The following ELP4 variants were observed in gnomAD, a reference collection of about 807,000 sequenced individuals.
The protein encoded by ELP4 is elongator acetyltransferase complex subunit 4.
Under a neutral mutation model 48.9 loss-of-function variants are expected in ELP4, and 51 were observed. The observed-to-expected ratio is 1.04, with a 90% CI of 0.83 to 1.32. ELP4 has a LOEUF of 1.32. Ranked by LOEUF, ELP4 falls within the 40% of genes most tolerant of loss-of-function variation. The probability of loss-of-function intolerance (pLI) is 0.00; values close to 1 mark genes in which losing one functional copy is unlikely to be tolerated. For missense variants in ELP4, 519 were observed against 514.6 expected (o/e 1.01, Z -0.08); for synonymous variants, 210 against 189.2 (o/e 1.11, Z -0.90).
chr11:31,521,618 T>C (rs1956215553), intron 2 of ELP4, among the ~76,000 whole-genome samples: 1 of 152,152 alleles, frequency 6.6e-6, no homozygotes, highest in African/African-American at 2.4e-5. Context: ...TTCAAATTTC[T>C]CAACATGAAG....
At chr11:31,770,801 G>A (rs1948125689) in intron 9 of ELP4, among the ~76,000 whole-genome samples, 3 of 129,248 alleles carry the variant, frequency 2.3e-5, no homozygotes, top group African/African-American at 8.8e-5. Flanking sequence ...TACTCGGGAG[G>A]CTGAGGCAGG....
intron 5 of ELP4, among the ~76,000 whole-genome samples, chr11:31,616,111 C>G (rs1944477004): frequency 6.6e-6 from 1 of 151,890 alleles, no homozygotes; most frequent in Admixed American, 6.6e-5. Context: ...TCAAGGGACC[C>G]CAGACAGCCA....
rs1346813440 is a variant in ELP4 at position 31,659,846 on chromosome 11, G to T, written c.1143+9625G>T. Reference sequence around the variant, plus strand: ...ATCTCTACTAAAAATGTAAAAATTAGCTGGGCGTGGTGGCAGGCACCTGTA... The same window carrying T: ...ATCTCTACTAAAAATGTAAAAATTATCTGGGCGTGGTGGCAGGCACCTGTA... On this transcript the variant is annotated intron_variant, in intron 9 of 9. Transcript: ENST00000640961. Among the ~76,000 whole-genome samples the T allele has an allele frequency of 2.0e-5, 3 of 152,048 alleles. No homozygotes were observed. The East Asian group carries it at 5.8e-4, about 30-fold the overall frequency.
chr11:31,635,547 C>T (rs1247339755), intron 7 of ELP4, among the ~76,000 whole-genome samples: 2 of 151,826 alleles, frequency 1.3e-5, no homozygotes, highest in Non-Finnish European at 1.5e-5. Context: ...AAGTACCATT[C>T]GATGATAGAA....
intron 6 of ELP4, 130 bp from the exon 7 acceptor site, chr11:31,632,087 C>G: frequency 3.2e-6 from 2 of 634,610 alleles, no homozygotes; most frequent in Non-Finnish European, 5.2e-6. Flanking sequence ...ACTAATAGTA[C>G]ATAAAAATTT....
At chr11:31,622,305 TA>T (rs1164583482) in intron 5 of ELP4, among the ~76,000 whole-genome samples, 2 of 151,836 alleles carry the variant, frequency 1.3e-5, no homozygotes, top group African/African-American at 2.4e-5. Context: ...GGCAGTGTTG[TA>T]TATTGTTCTT....
chr11:31,658,615 C>T (rs974237138), intron 9 of ELP4, among the ~76,000 whole-genome samples: 6 of 151,854 alleles, frequency 4.0e-5, no homozygotes, highest in African/African-American at 1.2e-4. Context: ...AATTTAATTA[C>T]AATATATTAT....
chr11:31,746,854 G>A lies in ELP4; in HGVS notation c.1144-36539G>A, dbSNP rs563395165. ...GTATACATATGTAACAAACCTGCAC[G>A]TTGTGCACATGTACCCTAAAACTTA... On this transcript the variant is annotated intron_variant, in intron 9 of 9. Coordinates refer to ENST00000640961, the MANE Select transcript of ELP4 (RefSeq NM_019040.5). Among the ~76,000 whole-genome samples, 64 of 152,086 alleles carry A rather than the reference G, an allele frequency of 4.2e-4. No homozygotes were observed. In the South Asian group the frequency reaches 9.8e-3, roughly 23 times the overall value.
intron 1 of ELP4, 125 bp downstream of exon 1, chr11:31,510,132 C>T (rs1033143812): frequency 2.2e-5 from 19 of 864,590 alleles, no homozygotes; most frequent in Non-Finnish European, 3.4e-5. Context: ...AGAGAATAGC[C>T]TGGTCTGATT....
At chr11:31,591,145 G>A (rs939246642) in intron 3 of ELP4, among the ~76,000 whole-genome samples, 9 of 152,104 alleles carry the variant, frequency 5.9e-5, no homozygotes, top group South Asian at 2.1e-4. Context: ...CAGTGCTCAC[G>A]CCTGTAATCC....
chr11:31,607,493 C>G (rs945873098), intron 5 of ELP4, among the ~76,000 whole-genome samples: 1 of 152,158 alleles, frequency 6.6e-6, no homozygotes, highest in African/African-American at 2.4e-5. Context: ...GCAAGCTAGC[C>G]AAAATGCTGT....
At chr11:31,710,211 A>C (rs943403130) in intron 9 of ELP4, among the ~76,000 whole-genome samples, 7 of 152,258 alleles carry the variant, frequency 4.6e-5, no homozygotes, top group Non-Finnish European at 1.0e-4. Context: ...TGATCAGAGC[A>C]ACGTTCTGGA....
At chr11:31,777,393 G>A (rs964492703) in intron 9 of ELP4, among the ~76,000 whole-genome samples, 3 of 152,112 alleles carry the variant, frequency 2.0e-5, no homozygotes, top group African/African-American at 7.2e-5. Flanking sequence ...CTGGACTAGT[G>A]GGGTCATCAG....
chr11:31,574,399 A>G (rs1391619895), intron 3 of ELP4, among the ~76,000 whole-genome samples: 2 of 152,144 alleles, frequency 1.3e-5, no homozygotes, highest in Admixed American at 6.5e-5. Context: ...ACTTCTGCAG[A>G]CTTAAACCTC....
At chr11:31,533,825 T>TTTTTG (rs370134447) in intron 2 of ELP4, among the ~76,000 whole-genome samples, 114 of 151,752 alleles carry the variant, frequency 7.5e-4, no homozygotes, top group African/African-American at 1.5e-3. Flanking sequence ...GTTTTTTTTG[T>TTTTTG]TTTTGTTTTG....
chr11:31,541,246 T>C (rs1249659081), intron 3 of ELP4, among the ~76,000 whole-genome samples: 1 of 152,226 alleles, frequency 6.6e-6, no homozygotes, highest in Admixed American at 6.5e-5. Context: ...GATTCAGACT[T>C]TGCTTGTTAA....
At position 31,729,104 on chromosome 11, in the gene ELP4, G is replaced by A. The variant is rs1174098387; in HGVS notation, c.1144-54289G>A. Among the ~76,000 whole-genome samples the A allele has an allele frequency of 2.0e-5, 3 of 152,122 alleles. No homozygotes were observed. In the East Asian group the frequency reaches 5.8e-4, roughly 29 times the overall value. On this transcript the variant is annotated intron_variant, in intron 9 of 9. Coordinates refer to ENST00000640961, the MANE Select transcript of ELP4 (RefSeq NM_019040.5). ...AAGAAAAATCAAATCCAAAAGAAAGGTTTTAAACTAGTGAAACAGAATATT... is the reference window on the plus strand; with the variant it reads ...AAGAAAAATCAAATCCAAAAGAAAGATTTTAAACTAGTGAAACAGAATATT...
At chr11:31,734,310 G>A (rs973884391) in intron 9 of ELP4, among the ~76,000 whole-genome samples, 2 of 152,178 alleles carry the variant, frequency 1.3e-5, no homozygotes, top group African/African-American at 4.8e-5. Context: ...AACAAGGCAA[G>A]GATGCCCATT....
At chr11:31,586,581 T>C (rs1957477357) in intron 3 of ELP4, among the ~76,000 whole-genome samples, 1 of 152,122 alleles carries the variant, frequency 6.6e-6, no homozygotes, top group African/African-American at 2.4e-5. Context: ...TTACAAAATA[T>C]TATATACAAC....
Sources: gnomAD v4.1 joint callset for allele counts (sites outside exome capture counted in the v4.1 genomes callset) on GRCh38, gnomAD v4.1.1 for gene constraint, MANE v1.5 for transcripts, NCBI Gene and HGNC (gene_info 2026-07-23, HGNC 2026-07-21) for gene names.